ARL15: variants seen among roughly 807,000 people sequenced by gnomAD.
ARL15 encodes ADP-ribosylation factor-like protein 15.
A neutral mutation model predicts 25.2 loss-of-function variants in ARL15; 19 were observed. That is an observed-to-expected ratio of 0.75 (90% CI 0.53 to 1.10). The LOEUF is 1.10. ARL15 is among the 50% of genes least tolerant of loss of function. The probability of loss-of-function intolerance (pLI) is 0.00; values close to 1 mark genes in which losing one functional copy is unlikely to be tolerated. For synonymous variants in ARL15, 94 were observed against 86.8 expected (o/e 1.08, Z -0.46); for missense variants, 220 against 246.0 (o/e 0.89, Z 0.71).
chr5:54,056,951 A>C (rs1357734974), intron 4 of ARL15, among the ~76,000 whole-genome samples: 1 of 152,194 alleles, frequency 6.6e-6, no homozygotes, highest in Non-Finnish European at 1.5e-5. Context: ...CATGAACACA[A>C]ACATATACAC....
chr5:54,218,182 A>C (rs1396626358), intron 1 of ARL15, among the ~76,000 whole-genome samples: 1 of 152,244 alleles, frequency 6.6e-6, no homozygotes, highest in Non-Finnish European at 1.5e-5. Context: ...AAGAAGTAAC[A>C]TTCAGATTGG....
intron 4 of ARL15, among the ~76,000 whole-genome samples, chr5:54,037,539 G>A (rs776390846): frequency 3.9e-4 from 60 of 152,162 alleles, no homozygotes; most frequent in Middle Eastern, 3.4e-3. Context: ...AAAAGTTTAC[G>A]TGATGTCTAA....
chr5:54,230,249 A>C (rs1756628734), intron 1 of ARL15, among the ~76,000 whole-genome samples: 1 of 150,902 alleles, frequency 6.6e-6, no homozygotes, highest in African/African-American at 2.4e-5. Context: ...TGGGAGGCTG[A>C]GGCAGGAGAA....
At chr5:54,288,119 C>T (rs1019661555) in intron 1 of ARL15, among the ~76,000 whole-genome samples, 16 of 152,054 alleles carry the variant, frequency 1.1e-4, no homozygotes, top group African/African-American at 3.9e-4. Flanking sequence ...GAATAACAAC[C>T]CTGCTAATAA....
At chr5:53,930,614 C>G (rs540804508) in intron 4 of ARL15, among the ~76,000 whole-genome samples, 2 of 152,132 alleles carry the variant, frequency 1.3e-5, no homozygotes, top group South Asian at 2.1e-4. Context: ...AGAACACACT[C>G]TAGGTTGCTC....
chr5:54,149,907 C>T (rs539527144), intron 3 of ARL15, among the ~76,000 whole-genome samples: 73 of 152,188 alleles, frequency 4.8e-4, no homozygotes, highest in African/African-American at 1.5e-3. Context: ...TATAGGAAAA[C>T]AAAAAGTTCA....
At chr5:54,143,903 A>G (rs1753836251) in intron 3 of ARL15, among the ~76,000 whole-genome samples, 1 of 152,024 alleles carries the variant, frequency 6.6e-6, no homozygotes, top group Non-Finnish European at 1.5e-5. Flanking sequence ...TATCATGTTT[A>G]TTCTTAATTG....
At chr5:54,208,049 C>G (rs938436679) in intron 1 of ARL15, among the ~76,000 whole-genome samples, 2 of 152,114 alleles carry the variant, frequency 1.3e-5, no homozygotes, top group African/African-American at 2.4e-5. Flanking sequence ...TTGCTTCCCC[C>G]ACCACTGAGG....
Position 54,310,526 on chromosome 5 carries a change from A to C in ARL15, c.-47T>G. ...AACGGCTCCGAACCCGGAAAAAAAA[A>C]GCAGCGTCTCTGGCTGCGAGCGAGC... On this transcript the variant is annotated 5_prime_UTR_variant, in exon 1 of 5. Transcript: ENST00000504924. The C allele has an allele frequency of 6.4e-7, 1 of 1,565,724 alleles. No homozygotes were observed. The highest frequency in any genetic ancestry group is 8.6e-7 in the Non-Finnish European group (1 of 1,156,116).
At chr5:54,128,703 ATTC>A (rs1187187567) in intron 3 of ARL15, among the ~76,000 whole-genome samples, 6 of 128,482 alleles carry the variant, frequency 4.7e-5, no homozygotes, top group Non-Finnish European at 9.8e-5. Context: ...TATTATTTTG[ATTC>A]TTTTTTTTTT....
intron 4 of ARL15, among the ~76,000 whole-genome samples, chr5:54,063,531 A>T (rs1751130104): frequency 6.6e-6 from 1 of 152,204 alleles, no homozygotes; most frequent in African/African-American, 2.4e-5. Context: ...GCACAATGGT[A>T]CACTGATGGC....
rs574906154 is a variant in ARL15 at position 54,176,583 on chromosome 5, G to A, written c.49-4655C>T. Among the ~76,000 whole-genome samples the A allele has an allele frequency of 3.3e-5, 5 of 152,194 alleles. No individual in the cohort carries two copies. The South Asian group carries it at 6.2e-4, about 19-fold the overall frequency. On this transcript the variant is annotated intron_variant, in intron 1 of 4. Transcript: ENST00000504924. ...AGCCCCTTTCACTGTTGTACAATGC[G>A]AAACACAATGCTGTCGGCAGTCCTG...
At chr5:54,029,569 T>C (rs1749906705) in intron 4 of ARL15, among the ~76,000 whole-genome samples, 1 of 152,182 alleles carries the variant, frequency 6.6e-6, no homozygotes. Flanking sequence ...AAAAGGCTTC[T>C]GAAAGTAGGC....
intron 2 of ARL15, among the ~76,000 whole-genome samples, chr5:54,162,598 A>G (rs1030816439): frequency 6.6e-6 from 1 of 151,862 alleles, no homozygotes; most frequent in Non-Finnish European, 1.5e-5. Context: ...CCACCTACCA[A>G]TTTTCAGGGA....
intron 3 of ARL15, among the ~76,000 whole-genome samples, chr5:54,114,594 GAACA>G (rs1329326958): frequency 2.0e-5 from 3 of 152,026 alleles, no homozygotes; most frequent in African/African-American, 4.8e-5. Flanking sequence ...TTTGAGACTA[GAACA>G]AACTCTAGAG....
At chr5:53,998,421 C>T (rs1748751623) in intron 4 of ARL15, among the ~76,000 whole-genome samples, 1 of 152,134 alleles carries the variant, frequency 6.6e-6, no homozygotes, top group African/African-American at 2.4e-5. Flanking sequence ...TCACCCCTCA[C>T]ATCTCTTTCC....
chr5:54,077,981 G>A (rs1366011623), intron 4 of ARL15, among the ~76,000 whole-genome samples: 1 of 152,158 alleles, frequency 6.6e-6, no homozygotes, highest in Admixed American at 6.5e-5. Context: ...TCTTTCTTGA[G>A]TTATGCTAAT....
intron 4 of ARL15, among the ~76,000 whole-genome samples, chr5:54,038,009 T>C (rs1750225210): frequency 6.6e-6 from 1 of 152,150 alleles, no homozygotes; most frequent in Admixed American, 6.5e-5. Flanking sequence ...GTAATCATTT[T>C]AATTGTCTAA....
intron 1 of ARL15, among the ~76,000 whole-genome samples, chr5:54,216,974 TTAAA>T (rs1756226281): frequency 6.6e-6 from 1 of 152,120 alleles, no homozygotes; most frequent in Admixed American, 6.6e-5. Flanking sequence ...TTTTAGTTTT[TTAAA>T]TAGTTTAAGG....
Sources: allele counts gnomAD v4.1 joint callset (sites outside exome capture counted in the v4.1 genomes callset), GRCh38; gene constraint gnomAD v4.1.1; transcripts MANE v1.5; gene names NCBI Gene and HGNC (gene_info 2026-07-23, HGNC 2026-07-21).